The following FBH1 variants were observed in gnomAD, a reference collection of about 807,000 sequenced individuals.
FBH1 encodes F-box DNA helicase 1, also known as DNA 3'-5' helicase 1.
Under a neutral mutation model 115.5 loss-of-function variants are expected in FBH1, and 43 were observed. The ratio of observed to expected loss-of-function variants is 0.37; its 90% CI spans 0.29 to 0.48. The LOEUF is 0.48. Among genes scored for constraint, FBH1 ranks in the 20% least tolerant of loss-of-function variants. The pLI is 0.99. For missense variants in FBH1, 1,001 were observed against 1,337.3 expected (o/e 0.75, Z 3.92); for synonymous variants, 524 against 507.8 (o/e 1.03, Z -0.43).
chr10:5,919,356 C>G (rs574486435), intron 13 of FBH1, among the ~76,000 whole-genome samples: 28 of 151,938 alleles, frequency 1.8e-4, no homozygotes, highest in Non-Finnish European at 3.5e-4. Context: ...TGTGGTGGCT[C>G]CCGCCTGTAG....
chr10:5,913,774 A>G lies in FBH1; in HGVS notation c.1239A>G (p.Leu413=), dbSNP rs754564281. The G allele has an allele frequency of 1.7e-5, 27 of 1,578,096 alleles. No homozygotes were observed. Among genetic ancestry groups the G allele is most frequent in the East Asian group, 1.1e-4 (5 of 43,614 alleles). ...NRIHYNIFYC[L]YLQENSCTQA... ...TTCACTACAACATTTTCTATTGCCT[A>G]TATCTTCAGGAGAATTCCTGCACTC... Residue 413 remains leucine (L), a synonymous_variant, in exon 7 of 21, where the codon CTA becomes CTG. Coordinates refer to ENST00000362091, the MANE Select transcript of FBH1 (RefSeq NM_178150.3). The surrounding 1 kb of genome is among the most constrained non-coding windows in gnomAD (Gnocchi z 4.4).
chr10:5,918,719 C>T lies in FBH1; in HGVS notation c.2100+241C>T, dbSNP rs982010549. 2.6e-5 allele frequency among the ~76,000 whole-genome samples: 4 copies of T among 152,164 alleles called. No homozygotes were observed. Among genetic ancestry groups the T allele is most frequent in the Admixed American group, 6.5e-5 (1 of 15,284 alleles). On this transcript the variant is annotated intron_variant, in intron 13 of 20. Coordinates refer to ENST00000362091, the MANE Select transcript of FBH1 (RefSeq NM_178150.3). The surrounding 1 kb of genome is among the most constrained non-coding windows in gnomAD (Gnocchi z 4.0). ...TGAACTGTGAACCGATGGCTGCTGC[C>T]GCCTTGTACATTTGTGCTTAGAACA...
chr10:5,921,848 G>A lies in FBH1; in HGVS notation c.2322+279G>A, dbSNP rs1248866985. On this transcript the variant is annotated intron_variant, in intron 15 of 20. Coordinates refer to ENST00000362091, the MANE Select transcript of FBH1 (RefSeq NM_178150.3). This position sits in a 1 kb window ranked among gnomAD's most constrained non-coding sequence, Gnocchi z 6.4. ...TTCCCTTGGCAATGCCAGTGAGGCC[G>A]CGGGTTACTGGAAGCTTTTCTAGTC... Among the ~76,000 whole-genome samples the A allele has an allele frequency of 1.3e-5, 2 of 152,298 alleles. No individual in the cohort carries two copies. Among genetic ancestry groups the A allele is most frequent in the African/African-American group, 2.4e-5 (1 of 41,550 alleles).
Position 5,910,789 on chromosome 10 carries a change from A to G in FBH1, c.1021-149A>G, listed in dbSNP as rs544701864. On this transcript the variant is annotated intron_variant, in intron 5 of 20. Coordinates refer to ENST00000362091, the MANE Select transcript of FBH1 (RefSeq NM_178150.3). The surrounding 1 kb of genome is among the most constrained non-coding windows in gnomAD (Gnocchi z 4.8). ...AACAGAAGGGCTCCCCTGTTTCCCA[A>G]ATACAACTTGGAAAGTTTGGATTCA... 4.3e-5 allele frequency: 28 copies of G among 651,232 alleles called. No individual in the cohort carries two copies. In the African/African-American group the frequency reaches 4.8e-4, roughly 11 times the overall value. The allele number at this position is 651,232 out of a possible 1,614,324, so 40.3% of individuals were successfully genotyped here.
chr10:5,898,851 G>C (rs1452004449), intron 1 of FBH1, among the ~76,000 whole-genome samples: 3 of 152,220 alleles, frequency 2.0e-5, no homozygotes, highest in Non-Finnish European at 4.4e-5. Context: ...CAGTGAACCA[G>C]GTGGGCTAGC....
intron 10 of FBH1, chr10:5,916,936 C>T (rs375881859): frequency 5.3e-6 from 1 of 187,898 alleles, no homozygotes; most frequent in African/African-American, 2.4e-5. Context: ...AGACATGGAA[C>T]GACCCGCCTC....
intron 2 of FBH1, chr10:5,905,345 C>G (rs1351673043): frequency 1.3e-5 from 2 of 152,148 alleles, no homozygotes; most frequent in Non-Finnish European, 2.9e-5. Context: ...ACGGCGAAAC[C>G]CCATCTCTAC....
intron 20 of FBH1, 43 bp from the exon 21 acceptor site, chr10:5,937,067 T>C (rs749436540): frequency 1.3e-6 from 2 of 1,532,472 alleles, no homozygotes; most frequent in East Asian, 4.6e-5. Context: ...ATCCATGTTC[T>C]TTGGTTGTTC....
rs1832463371 is a variant in FBH1, at chr10:5,923,936, T to C, written c.2398+240T>C. On this transcript the variant is annotated intron_variant, in intron 16 of 20. Transcript: ENST00000362091. The surrounding 1 kb of genome is among the most constrained non-coding windows in gnomAD (Gnocchi z 5.7). ...TCTTTCCAACACTGGTCCCATAGAC[T>C]GTCTTCCCCTGCATCCTTCTGTCTG... The C allele has an allele frequency of 1.7e-6, 1 of 571,574 alleles. No individual in the cohort carries two copies. The highest frequency in any genetic ancestry group is 2.9e-5 in the East Asian group (1 of 34,422). The allele number at this position is 571,574 out of a possible 1,614,324, so 35.4% of individuals were successfully genotyped here. A position where few individuals can be genotyped will look rare whatever the true frequency, so the allele number is the denominator to read the frequency against.
chr10:5,917,680 A>G lies in FBH1; in HGVS notation c.1963+4A>G. The G allele has an allele frequency of 6.2e-7, 1 of 1,612,098 alleles. No individual in the cohort carries two copies. ...GAGGCCCAGGACTGCACACCAGGTG[A>G]TACACTGTTCAGGACATCAGTAGTG... On this transcript the variant is annotated splice_donor_region_variant and intron_variant, in intron 12 of 20. Transcript: ENST00000362091. The surrounding 1 kb of genome is among the most constrained non-coding windows in gnomAD (Gnocchi z 5.6).
intron 13 of FBH1, among the ~76,000 whole-genome samples, chr10:5,919,065 A>G (rs767531673): frequency 1.7e-4 from 26 of 152,388 alleles, no homozygotes; most frequent in Non-Finnish European, 3.1e-4. Flanking sequence ...ACAGGAAGCC[A>G]GCAGTCTTCT....
At position 5,916,351 on chromosome 10, in the gene FBH1, A is replaced by C. The variant is rs749263259; in HGVS notation, c.1683A>C (p.Glu561Asp). 6 of 1,614,248 alleles carry C rather than the reference A, an allele frequency of 3.7e-6. No individual in the cohort carries two copies. The South Asian group carries it at 6.6e-5, about 18-fold the overall frequency. ...IRAKLVCKTL[E>D]NFFASADEEL... ...CCAAGCTTGTGTGTAAGACTCTAGA[A>C]AACTTCTTTGCCTCGGCTGACGAAG... Residue 561 changes from glutamate to aspartate, a missense_variant, in exon 10 of 21, where the codon GAA (glutamate) becomes GAC (aspartate). Physicochemically the swap from Glu to Asp is conservative, Grantham distance 45. This residue lies in a region of FBH1 where 521 missense variants were observed against 811.0 expected (regional missense o/e 0.64). Coordinates refer to ENST00000362091, the MANE Select transcript of FBH1 (RefSeq NM_178150.3).
rs1295895824 is a variant in FBH1 at position 5,920,875 on chromosome 10, A to T, written c.2101-383A>T. On this transcript the variant is annotated intron_variant, in intron 13 of 20. Coordinates refer to ENST00000362091, the MANE Select transcript of FBH1 (RefSeq NM_178150.3). Reference sequence around the variant, plus strand: ...AGGCAGGGCAGCACGGACAATGTGCAGGTGCTAGTGCTTCTGCCATGGCTG... The same window carrying T: ...AGGCAGGGCAGCACGGACAATGTGCTGGTGCTAGTGCTTCTGCCATGGCTG... Among the ~76,000 whole-genome samples, 3 of 152,220 alleles carry T rather than the reference A, an allele frequency of 2.0e-5. No homozygotes were observed. In the East Asian group the frequency reaches 5.8e-4, roughly 29 times the overall value.
chr10:5,899,531 C>CT (rs1843212526), intron 1 of FBH1, among the ~76,000 whole-genome samples: 2 of 152,082 alleles, frequency 1.3e-5, no homozygotes, highest in African/African-American at 4.8e-5. Context: ...ATTGTAGATA[C>CT]TGTACTGACC....
chr10:5,933,653 T>G lies in FBH1; in HGVS notation c.2830-2803T>G, dbSNP rs1223414185. Among the ~76,000 whole-genome samples, 5 of 151,934 alleles carry G rather than the reference T, an allele frequency of 3.3e-5. No individual in the cohort carries two copies. Among genetic ancestry groups the G allele is most frequent in the African/African-American group, 1.2e-4 (5 of 41,378 alleles). The stretch of plus-strand genomic sequence containing the variant: ...GGAGGCACTCTGCTGTTTTTTTTTT[T>G]TTTTTAAAAAACAGAGTCTCACTCT... On this transcript the variant is annotated intron_variant, in intron 19 of 20. Coordinates refer to ENST00000362091, the MANE Select transcript of FBH1 (RefSeq NM_178150.3). This position sits in a 1 kb window ranked among gnomAD's most constrained non-coding sequence, Gnocchi z 4.9.
In FBH1 at chr10:5,924,823, C is replaced by T. The variant is rs1832541508; in HGVS notation, c.2596+315C>T. ...TCAGGTAATCTGCCCACCTCGACCTCCCAAAGTGCTAGAATTACAGGCGTG... is the reference window on the plus strand; with the variant it reads ...TCAGGTAATCTGCCCACCTCGACCTTCCAAAGTGCTAGAATTACAGGCGTG... On this transcript the variant is annotated intron_variant, in intron 17 of 20. Transcript: ENST00000362091. This position sits in a 1 kb window ranked among gnomAD's most constrained non-coding sequence, Gnocchi z 6.2. 2.1e-6 allele frequency: 1 copy of T among 466,658 alleles called. No homozygotes were observed. Among genetic ancestry groups the T allele is most frequent in the Admixed American group, 2.5e-5 (1 of 40,272 alleles). 28.9% of individuals were successfully genotyped at this position (466,658 alleles called of 1,614,324 possible). A position where few individuals can be genotyped will look rare whatever the true frequency, so the allele number is the denominator to read the frequency against.
At chr10:5,928,949 G>C (rs1222195588) in intron 19 of FBH1, among the ~76,000 whole-genome samples, 2 of 152,184 alleles carry the variant, frequency 1.3e-5, no homozygotes, top group Non-Finnish European at 2.9e-5. Flanking sequence ...CTACTCTCGT[G>C]GGGTGAGCCG....
Position 5,903,131 on chromosome 10 carries a change from A to G in FBH1, c.113A>G (p.Asn38Ser). 1.2e-6 allele frequency: 2 copies of G among 1,613,730 alleles called. No individual in the cohort carries two copies. Among genetic ancestry groups the G allele is most frequent in the Non-Finnish European group, 1.7e-6 (2 of 1,179,828 alleles). Residue 38 changes from asparagine to serine, a missense_variant, in exon 2 of 21, where the codon AAC (asparagine) becomes AGC (serine). By Grantham distance (46) the Asn-to-Ser change is conservative (BLOSUM62 1). Around this residue, in one of 4 missense-constraint regions of FBH1, gnomAD observed 420 missense variants for 430.4 expected, o/e 0.98. Coordinates refer to ENST00000362091, the MANE Select transcript of FBH1 (RefSeq NM_178150.3). ...CAAAGATGGACAAACAGAGATCCGAACCATGGTCTCTATCCTAAACCGAGA... is the reference window on the plus strand; with the variant it reads ...CAAAGATGGACAAACAGAGATCCGAGCCATGGTCTCTATCCTAAACCGAGA... Reference protein sequence around the residue: ...FGQRWTNRDPNHGLYPKPRTK... With the variant: ...FGQRWTNRDPSHGLYPKPRTK...
In FBH1 at chr10:5,921,452, C is replaced by T; in HGVS notation, c.2205C>T (p.Gly735=). Residue 735 remains glycine, a synonymous_variant, in exon 15 of 21, where the codon GGC becomes GGT. Transcript: ENST00000362091. This position sits in a 1 kb window ranked among gnomAD's most constrained non-coding sequence, Gnocchi z 6.4. The stretch of plus-strand genomic sequence containing the variant: ...GTTTGTGCTCTCTCCCTAAAGGTGG[C>T]ATTAGAGGTGACGCAAAGGGGCAAG... ...KTLVGGNHQS[G]IRGDAKGQVA... 6.2e-7 allele frequency: 1 copy of T among 1,604,390 alleles called. No individual in the cohort carries two copies. The highest frequency in any genetic ancestry group is 1.1e-5 in the South Asian group (1 of 89,328).
Sources: gnomAD v4.1 joint callset for allele counts (sites outside exome capture counted in the v4.1 genomes callset) on GRCh38, gnomAD v4.1.1 for gene constraint, gnomAD v4.1.1 regional missense constraint, Gnocchi (gnomAD v3.1) non-coding constraint, MANE v1.5 for transcripts, NCBI Gene and HGNC (gene_info 2026-07-23, HGNC 2026-07-21) for gene names.